The following PRELID2 variants were observed in gnomAD, a reference collection of about 807,000 sequenced individuals.
PRELID2 encodes PRELI domain-containing protein 2.
PRELID2 carries 25 observed loss-of-function variants against 28.4 expected under a neutral mutation model. That is an observed-to-expected ratio of 0.88 (90% CI 0.64 to 1.23). The LOEUF (loss-of-function observed/expected upper bound fraction) is 1.23, where lower values mean the gene tolerates loss of function less well. Among genes scored for constraint, PRELID2 ranks in the 50% most tolerant of loss-of-function variants. The pLI, the probability that PRELID2 is intolerant of heterozygous loss-of-function variation, is 0.00. For missense variants in PRELID2, 201 were observed against 214.4 expected (o/e 0.94, Z 0.39); for synonymous variants, 76 against 71.6 (o/e 1.06, Z -0.31).
At chr5:145,595,462 G>T (rs1753291902) in intron 1 of PRELID2, among the ~76,000 whole-genome samples, 1 of 152,096 alleles carries the variant, frequency 6.6e-6, no homozygotes, top group Non-Finnish European at 1.5e-5. Flanking sequence ...AACTGGCAAA[G>T]CTCCACCTTT....
chr5:145,438,610 T>C, the PRELID2 span, among the ~76,000 whole-genome samples: 1 of 152,148 alleles, frequency 6.6e-6, no homozygotes, highest in African/African-American at 2.4e-5. Context: ...GGCCTAGCAA[T>C]TGGAACAGAG....
At chr5:145,450,482 A>C in the PRELID2 span, among the ~76,000 whole-genome samples, 1 of 152,160 alleles carries the variant, frequency 6.6e-6, no homozygotes, top group Admixed American at 6.6e-5. Context: ...ACTTGTGTAG[A>C]AAAGCCATTA....
chr5:145,737,706 T>C (rs1043640304), intron 1 of PRELID2, among the ~76,000 whole-genome samples: 23 of 151,580 alleles, frequency 1.5e-4, no homozygotes, highest in African/African-American at 5.1e-4. Context: ...CTAAATACCA[T>C]AGAAAAAAAC....
chr5:145,741,928 A>C (rs1441553660), intron 1 of PRELID2, among the ~76,000 whole-genome samples: 7 of 65,606 alleles, frequency 1.1e-4, no homozygotes, highest in African/African-American at 3.3e-4. Flanking sequence ...AAACAAATAA[A>C]TTTATTATAA....
At chr5:145,472,892 T>G (rs144821946) in intron 2 of PRELID2, among the ~76,000 whole-genome samples, 2 of 152,300 alleles carry the variant, frequency 1.3e-5, no homozygotes, top group East Asian at 3.9e-4. Flanking sequence ...ACCTAGATTT[T>G]CATTAAACTA....
At chr5:145,428,587 G>T in the PRELID2 span, among the ~76,000 whole-genome samples, 1 of 152,136 alleles carries the variant, frequency 6.6e-6, no homozygotes. Flanking sequence ...TAATGTAAAT[G>T]ACAAGTTAAT....
At chr5:145,540,665 AT>A (rs1397236954) in intron 1 of PRELID2, among the ~76,000 whole-genome samples, 1 of 149,570 alleles carries the variant, frequency 6.7e-6, no homozygotes, top group Non-Finnish European at 1.5e-5. Context: ...TTTAAGACCC[AT>A]TTTTTCTAAG....
intron 1 of PRELID2, chr5:145,728,653 C>A: frequency 7.0e-7 from 1 of 1,431,414 alleles, no homozygotes; most frequent in Non-Finnish European, 9.8e-7. Flanking sequence ...CCAATATTTT[C>A]AATGAATTTG....
At chr5:145,359,102 C>A in the PRELID2 span, among the ~76,000 whole-genome samples, 1 of 152,178 alleles carries the variant, frequency 6.6e-6, no homozygotes, top group South Asian at 2.1e-4. Flanking sequence ...ATGGACCAAT[C>A]TTTAACTGGT....
At position 145,502,171 on chromosome 5, in the gene PRELID2, G is replaced by A. The variant is rs143919731; in HGVS notation, n.71-28856C>T. Among the ~76,000 whole-genome samples the A allele has an allele frequency of 4.9e-4, 74 of 152,196 alleles. 1 individual carries two copies. The Middle Eastern group carries it at 0.027, about 56-fold the overall frequency. Reference sequence around the variant, plus strand: ...CATCTGCATCTGGGGAGGCCTCAGGGAACATACAGTCACAGTGAAAGACAA... The same window carrying A: ...CATCTGCATCTGGGGAGGCCTCAGGAAACATACAGTCACAGTGAAAGACAA... On this transcript the variant is annotated intron_variant and non_coding_transcript_variant, in intron 1 of 2. Coordinates refer to the PRELID2 transcript ENST00000510259.
At chr5:145,738,933 A>G (rs771386704) in intron 1 of PRELID2, among the ~76,000 whole-genome samples, 17 of 152,232 alleles carry the variant, frequency 1.1e-4, no homozygotes, top group African/African-American at 2.4e-4. Flanking sequence ...AAATCTTAAA[A>G]AACTGTGAGA....
At chr5:145,616,224 T>C (rs1753695891) in intron 1 of PRELID2, among the ~76,000 whole-genome samples, 1 of 152,228 alleles carries the variant, frequency 6.6e-6, no homozygotes, top group African/African-American at 2.4e-5. Context: ...GCCTAGGTGA[T>C]GATCTTTTTG....
intron 1 of PRELID2, among the ~76,000 whole-genome samples, chr5:145,545,450 C>A (rs1442539332): frequency 1.2e-4 from 18 of 146,848 alleles, no homozygotes; most frequent in African/African-American, 2.2e-4. Context: ...GAGTAGAAGG[C>A]AAAAAAAAAA....
At chr5:145,743,163 C>T (rs1397736450) in intron 1 of PRELID2, among the ~76,000 whole-genome samples, 1 of 151,962 alleles carries the variant, frequency 6.6e-6, no homozygotes, top group East Asian at 1.9e-4. Context: ...AATCCTAGCA[C>T]TTTGGGAAGC....
chr5:145,434,866 A>G, the PRELID2 span, among the ~76,000 whole-genome samples: 1 of 152,172 alleles, frequency 6.6e-6, no homozygotes, highest in Admixed American at 6.5e-5. Context: ...AGCAAACACT[A>G]TTCTGAGCTA....
intron 1 of PRELID2, among the ~76,000 whole-genome samples, chr5:145,714,859 TTCTC>T (rs752417641): frequency 1.3e-5 from 2 of 152,214 alleles, no homozygotes; most frequent in Admixed American, 6.5e-5. Context: ...CTTCATTATC[TTCTC>T]TCTGTCTTTT....
At chr5:145,547,342 A>G (rs1360761078) in intron 1 of PRELID2, among the ~76,000 whole-genome samples, 1 of 152,116 alleles carries the variant, frequency 6.6e-6, no homozygotes. Flanking sequence ...GGTGGTGTCC[A>G]TTTTATCTTC....
intron 1 of PRELID2, among the ~76,000 whole-genome samples, chr5:145,547,728 A>G (rs964591818): frequency 1.3e-5 from 2 of 152,160 alleles, no homozygotes; most frequent in Non-Finnish European, 2.9e-5. Context: ...ACTGCTACAA[A>G]TCCTGCTCAG....
chr5:145,390,747 C>A, the PRELID2 span, among the ~76,000 whole-genome samples: 4,711 of 152,238 alleles, frequency 0.031, 237 homozygotes, highest in African/African-American at 0.11. Flanking sequence ...AAGTCCACAT[C>A]CAAAGTCTCA....
Sources: allele counts gnomAD v4.1 joint callset (sites outside exome capture counted in the v4.1 genomes callset), GRCh38; gene constraint gnomAD v4.1.1; transcripts MANE v1.5; gene names NCBI Gene and HGNC (gene_info 2026-07-23, HGNC 2026-07-21).